Variants in C1GALT1 observed in about 807,000 individuals in gnomAD.
The protein encoded by C1GALT1 is glycoprotein-N-acetylgalactosamine 3-beta-galactosyltransferase 1.
In C1GALT1, 11 loss-of-function variants were observed where a neutral mutation model predicts 31.0. The observed-to-expected ratio is 0.36, with a 90% confidence interval of 0.22 to 0.59. The LOEUF is 0.59. C1GALT1 is among the 20% of genes least tolerant of loss of function. The pLI is 0.79. For synonymous variants in C1GALT1, 175 were observed against 143.6 expected (o/e 1.22, Z -1.56); for missense variants, 424 against 425.2 (o/e 1.00, Z 0.03).
rs756942307 is a variant in C1GALT1 at position 7,238,388 on chromosome 7, G to A, written c.354G>A (p.Val118=). Reference sequence around the variant, plus strand: ...CTTGGGCCCAGCGTTGTAACAAAGTGTTGTTTATGAGTTCAGAAGAAAATA... The same window carrying A: ...CTTGGGCCCAGCGTTGTAACAAAGTATTGTTTATGAGTTCAGAAGAAAATA... ...KATWAQRCNK[V]LFMSSEENKD... The change falls in exon 3 of 4, where the codon GTG becomes GTA. Residue 118 remains valine, a synonymous_variant. Coordinates refer to ENST00000436587, the MANE Select transcript of C1GALT1 (RefSeq NM_020156.5). This position sits in a 1 kb window ranked among gnomAD's most constrained non-coding sequence, Gnocchi z 5.2. 8 of 1,613,980 alleles carry A rather than the reference G, an allele frequency of 5.0e-6. No individual in the cohort carries two copies. The highest frequency in any genetic ancestry group is 6.8e-6 in the Non-Finnish European group (8 of 1,179,992).
At chr7:7,195,143 TTTTG>T (rs1226229178) in intron 1 of C1GALT1, among the ~76,000 whole-genome samples, 4 of 152,156 alleles carry the variant, frequency 2.6e-5, no homozygotes, top group African/African-American at 7.2e-5. Flanking sequence ...CTTTTGTGTT[TTTTG>T]TTTGTTTCTT....
chr7:7,217,777 A>G (rs570740192), intron 1 of C1GALT1, among the ~76,000 whole-genome samples: 48 of 151,974 alleles, frequency 3.2e-4, no homozygotes, highest in African/African-American at 1.1e-3. Flanking sequence ...CTCACGTGAT[A>G]CTCCCACCTT....
chr7:7,189,689 AG>A (rs200559382), intron 1 of C1GALT1, among the ~76,000 whole-genome samples: 4,396 of 152,264 alleles, frequency 0.029, 119 homozygotes, highest in African/African-American at 0.077. Context: ...CATTGCCAGA[AG>A]TTTATCCAAT....
intron 2 of C1GALT1, among the ~76,000 whole-genome samples, chr7:7,168,866 T>C (rs1780424430): frequency 6.6e-6 from 1 of 152,244 alleles, no homozygotes; most frequent in South Asian, 2.1e-4. Context: ...TTTATTATGA[T>C]AACATATACA....
intron 2 of C1GALT1, among the ~76,000 whole-genome samples, chr7:7,176,020 T>C (rs1462915702): frequency 6.6e-6 from 1 of 152,218 alleles, no homozygotes; most frequent in African/African-American, 2.4e-5. Flanking sequence ...GAGGTTTGTA[T>C]GCCTGGAGAC....
intron 1 of C1GALT1, among the ~76,000 whole-genome samples, chr7:7,233,576 A>C (rs1243136929): frequency 6.6e-6 from 1 of 152,232 alleles, no homozygotes; most frequent in East Asian, 1.9e-4. Context: ...CCTAGCCAGC[A>C]AACTTTTTCT....
chr7:7,204,111 G>GTTTTTTT (rs1385099347), intron 1 of C1GALT1, among the ~76,000 whole-genome samples: 1 of 114,180 alleles, frequency 8.8e-6, no homozygotes, highest in Non-Finnish European at 1.8e-5. Flanking sequence ...TTTTTTTTTT[G>GTTTTTTT]TTTTTTTGTT....
chr7:7,194,733 A>G (rs141942779), intron 1 of C1GALT1, among the ~76,000 whole-genome samples: 3 of 152,118 alleles, frequency 2.0e-5, no homozygotes, highest in African/African-American at 7.2e-5. Flanking sequence ...ATTGTGGGAT[A>G]GTGTCAATAG....
chr7:7,198,859 T>C (rs1054990564), intron 1 of C1GALT1, among the ~76,000 whole-genome samples: 1 of 152,218 alleles, frequency 6.6e-6, no homozygotes, highest in Non-Finnish European at 1.5e-5. Flanking sequence ...TAGTTTGTAT[T>C]TCTGTGGGAT....
At chr7:7,219,027 C>T (rs1265579567) in intron 1 of C1GALT1, among the ~76,000 whole-genome samples, 2 of 151,924 alleles carry the variant, frequency 1.3e-5, no homozygotes, top group Non-Finnish European at 2.9e-5. Flanking sequence ...TTAGCAGAGA[C>T]AGGGTTTCAC....
upstream of C1GALT1, among the ~76,000 whole-genome samples, chr7:7,181,501 T>C (rs950344106): frequency 6.6e-6 from 1 of 152,272 alleles, no homozygotes; most frequent in Non-Finnish European, 1.5e-5. Flanking sequence ...ATGTGCTTTA[T>C]GTTTCACAAT....
chr7:7,242,525 C>G (rs1157389442), intron 3 of C1GALT1, among the ~76,000 whole-genome samples: 1 of 151,976 alleles, frequency 6.6e-6, no homozygotes, highest in African/African-American at 2.4e-5. Flanking sequence ...TATGAATCTT[C>G]TCTTGGAACT....
chr7:7,210,329 T>C (rs2128238656), intron 1 of C1GALT1: 2 of 152,522 alleles, frequency 1.3e-5, no homozygotes, highest in South Asian at 4.1e-4. Flanking sequence ...GCTCATGTTG[T>C]ATGTCCAGTT....
chr7:7,191,284 C>T (rs1266848310), intron 1 of C1GALT1, among the ~76,000 whole-genome samples: 2 of 152,108 alleles, frequency 1.3e-5, no homozygotes, highest in African/African-American at 4.8e-5. Context: ...AAAATGTCCT[C>T]AAGATTCATT....
chr7:7,167,392 A>G (rs57373054), intron 2 of C1GALT1, among the ~76,000 whole-genome samples: 1,538 of 152,322 alleles, frequency 0.01, 28 homozygotes, highest in African/African-American at 0.036. Context: ...TAAGAATGTT[A>G]TACATTATGT....
At chr7:7,179,443 G>C (rs973645828), upstream of C1GALT1, among the ~76,000 whole-genome samples, 5 of 152,258 alleles carry the variant, frequency 3.3e-5, no homozygotes, top group African/African-American at 9.6e-5. Flanking sequence ...TAATATATTT[G>C]TAAAATGTAG....
At chr7:7,221,688 C>G (rs1782516818) in intron 1 of C1GALT1, among the ~76,000 whole-genome samples, 1 of 152,194 alleles carries the variant, frequency 6.6e-6, no homozygotes, top group Non-Finnish European at 1.5e-5. Context: ...CAAATCCAAA[C>G]AAAGTGGTTT....
At chr7:7,210,304 C>G (rs1194652624) in intron 1 of C1GALT1, 2 of 151,766 alleles carry the variant, frequency 1.3e-5, no homozygotes, top group Non-Finnish European at 2.9e-5. Flanking sequence ...GACTTGATTG[C>G]GAAGCATCTG....
chr7:7,181,306 G>T (rs1269964268), upstream of C1GALT1, among the ~76,000 whole-genome samples: 1 of 132,574 alleles, frequency 7.5e-6, no homozygotes, highest in Non-Finnish European at 1.6e-5. Context: ...TATACAAGTT[G>T]GGGAGGAGTA....
Sources: allele counts gnomAD v4.1 joint callset (sites outside exome capture counted in the v4.1 genomes callset), GRCh38; gene constraint gnomAD v4.1.1; non-coding constraint Gnocchi (gnomAD v3.1); transcripts MANE v1.5; gene names NCBI Gene and HGNC (gene_info 2026-07-23, HGNC 2026-07-21).